TBC1D14: variants seen among roughly 807,000 people sequenced by gnomAD.
TBC1D14 encodes TBC1 domain family, member 14.
A neutral mutation model predicts 79.0 loss-of-function variants in TBC1D14; 26 were observed. That is an observed-to-expected ratio of 0.33 (90% confidence interval 0.24 to 0.46). The LOEUF is 0.46. Ranked by LOEUF, TBC1D14 falls within the 20% of genes least tolerant of loss-of-function variation. The pLI is 1.00. For synonymous variants in TBC1D14, 394 were observed against 349.9 expected (o/e 1.13, Z -1.40); for missense variants, 769 against 887.6 (o/e 0.87, Z 1.70).
chr4:6,949,422 C>G (rs970136990), intron 2 of TBC1D14, among the ~76,000 whole-genome samples: 4 of 151,860 alleles, frequency 2.6e-5, no homozygotes, highest in African/African-American at 9.7e-5. Flanking sequence ...GTGGCTCACG[C>G]CTATAATCCC....
intron 2 of TBC1D14, among the ~76,000 whole-genome samples, chr4:6,962,105 T>C (rs553442770): frequency 9.2e-5 from 14 of 152,162 alleles, no homozygotes; most frequent in African/African-American, 2.9e-4. Context: ...CGTTGTCAGG[T>C]CTCCTCTCCC....
At chr4:7,010,512 G>A in intron 10 of TBC1D14, 141 bp from the exon 11 acceptor site, 2 of 1,000,650 alleles carry the variant, frequency 2.0e-6, no homozygotes, top group Non-Finnish European at 2.8e-6. Context: ...GGGCAGTTCA[G>A]CGTTGGGTGG....
chr4:6,960,766 C>T (rs1040689399), intron 2 of TBC1D14, among the ~76,000 whole-genome samples: 18 of 152,336 alleles, frequency 1.2e-4, no homozygotes, highest in Admixed American at 2.0e-4. Flanking sequence ...GTGTTGGAGC[C>T]TCCAGGCGGT....
chr4:6,962,779 C>T (rs1715342632), intron 2 of TBC1D14, among the ~76,000 whole-genome samples: 2 of 152,282 alleles, frequency 1.3e-5, no homozygotes, highest in African/African-American at 4.8e-5. Flanking sequence ...TGAGAGGTTA[C>T]CTCTGTTGAG....
chr4:7,019,241 C>T (rs1454073510), intron 12 of TBC1D14, among the ~76,000 whole-genome samples: 4 of 152,156 alleles, frequency 2.6e-5, no homozygotes, highest in Non-Finnish European at 4.4e-5. Flanking sequence ...ATGATGGTTT[C>T]GATCTCCTGA....
intron 3 of TBC1D14, among the ~76,000 whole-genome samples, chr4:6,986,651 A>G (rs1388049779): frequency 6.6e-6 from 1 of 152,168 alleles, no homozygotes; most frequent in Non-Finnish European, 1.5e-5. Flanking sequence ...GCGGCTGACC[A>G]GAAGTAATTT....
At chr4:6,965,816 T>A (rs1224722298) in intron 2 of TBC1D14, among the ~76,000 whole-genome samples, 1 of 152,228 alleles carries the variant, frequency 6.6e-6, no homozygotes, top group Non-Finnish European at 1.5e-5. Flanking sequence ...CACTCCTCGC[T>A]GGTGATGTTA....
chr4:6,919,529 AATTG>A (rs1179070993), intron 1 of TBC1D14, among the ~76,000 whole-genome samples: 2 of 152,120 alleles, frequency 1.3e-5, no homozygotes, highest in African/African-American at 2.4e-5. Flanking sequence ...TTCTAAGAAA[AATTG>A]ATTATCAATT....
At chr4:6,917,619 A>G (rs532982949) in intron 1 of TBC1D14, among the ~76,000 whole-genome samples, 9 of 152,100 alleles carry the variant, frequency 5.9e-5, no homozygotes, top group Admixed American at 2.6e-4. Flanking sequence ...GCTGGGGGTG[A>G]CTGCACAAGG....
chr4:7,000,720 TG>T (rs939225611), intron 6 of TBC1D14, among the ~76,000 whole-genome samples: 1 of 152,212 alleles, frequency 6.6e-6, no homozygotes, highest in African/African-American at 2.4e-5. Context: ...GACTCTCTGC[TG>T]GGGTCTGCTT....
At chr4:7,009,263 C>T (rs1720513385) in intron 9 of TBC1D14, among the ~76,000 whole-genome samples, 1 of 152,236 alleles carries the variant, frequency 6.6e-6, no homozygotes. Context: ...GCACTTTCTT[C>T]TGTGCTCCAT....
chr4:7,004,742 T>C (rs889505374), intron 7 of TBC1D14, 102 bp from the exon 8 acceptor site: 7 of 1,028,196 alleles, frequency 6.8e-6, no homozygotes, highest in Non-Finnish European at 1.1e-5. Flanking sequence ...AAGCCTATTA[T>C]AGTTGAACTT....
At chr4:7,010,103 C>A (rs1026113931) in intron 10 of TBC1D14, among the ~76,000 whole-genome samples, 155 bp downstream of exon 10, 2 of 152,204 alleles carry the variant, frequency 1.3e-5, no homozygotes, top group Non-Finnish European at 2.9e-5. Flanking sequence ...TGAGTTGACT[C>A]AGGTTCCTCT....
At chr4:7,015,383 G>C (rs967819434) in intron 12 of TBC1D14, among the ~76,000 whole-genome samples, 1 of 152,186 alleles carries the variant, frequency 6.6e-6, no homozygotes, top group Non-Finnish European at 1.5e-5. Context: ...GAAGGGGTTT[G>C]CTGATGCCTT....
rs368129095 is a variant in TBC1D14 at position 7,004,904 on chromosome 4, G to T, written c.1331G>T (p.Gly444Val). ...AGGTGGCGGTCCCTTAGCACAGGAG[G>T]CTCTGAAGTGGAGAACGAAGGTAGA... ...KERWRSLSTG[G>V]SEVENEDAGF... Residue 444 changes from glycine (G) to valine (V), a missense_variant, in exon 8 of 14, where the codon GGC becomes GTC. This residue lies in a region of TBC1D14 where 367 missense variants were observed against 494.4 expected (regional missense o/e 0.74). Transcript: ENST00000409757. 6.2e-7 allele frequency: 1 copy of T among 1,614,148 alleles called. No homozygotes were observed. The highest frequency in any genetic ancestry group is 1.3e-5 in the African/African-American group (1 of 75,040).
chr4:6,986,277 T>C (rs1042835556), intron 3 of TBC1D14, among the ~76,000 whole-genome samples: 5 of 152,200 alleles, frequency 3.3e-5, no homozygotes, highest in African/African-American at 9.7e-5. Context: ...GACGTTCTGG[T>C]TGGCGTGGAC....
intron 1 of TBC1D14, among the ~76,000 whole-genome samples, chr4:6,919,855 G>A (rs1348009858): frequency 6.6e-6 from 1 of 151,894 alleles, no homozygotes; most frequent in South Asian, 2.1e-4. Flanking sequence ...TCCTGACTTC[G>A]TGATCTGCCC....
intron 2 of TBC1D14, among the ~76,000 whole-genome samples, chr4:6,938,444 G>T (rs551050948): frequency 6.6e-6 from 1 of 152,136 alleles, no homozygotes; most frequent in Middle Eastern, 3.2e-3. Context: ...AGCGTGAGGC[G>T]CCACTTCCTC....
chr4:7,012,457 A>C (rs1486235694), intron 11 of TBC1D14, among the ~76,000 whole-genome samples: 1 of 152,218 alleles, frequency 6.6e-6, no homozygotes, highest in East Asian at 1.9e-4. Flanking sequence ...CTTCTAAGAA[A>C]GTCATAAATG....
Sources: allele counts gnomAD v4.1 joint callset (sites outside exome capture counted in the v4.1 genomes callset), GRCh38; gene constraint gnomAD v4.1.1; regional missense constraint gnomAD v4.1.1; transcripts MANE v1.5; gene names NCBI Gene and HGNC (gene_info 2026-07-23, HGNC 2026-07-21).